The following MALRD1 variants were observed in gnomAD, a reference collection of about 807,000 sequenced individuals.
MALRD1 encodes MAM and LDL-receptor class A domain-containing protein 1.
Under a neutral mutation model 242.1 loss-of-function variants are expected in MALRD1, and 247 were observed. The ratio of observed to expected loss-of-function variants is 1.02; its 90% CI spans 0.92 to 1.13. MALRD1 has a LOEUF of 1.13. Ranked by LOEUF, MALRD1 falls within the 50% of genes most tolerant of loss-of-function variation. The pLI, the probability that MALRD1 is intolerant of heterozygous loss-of-function variation, is 0.00. For missense variants in MALRD1, 2,989 were observed against 2,533.1 expected, an observed-to-expected ratio of 1.18 and a Z score of -3.86; for synonymous variants, 995 against 866.6, an observed-to-expected ratio of 1.15 and a Z score of -2.60.
At chr10:19,508,214 G>A (rs1414875058) in intron 31 of MALRD1, among the ~76,000 whole-genome samples, 1 of 152,134 alleles carries the variant, frequency 6.6e-6, no homozygotes, top group Non-Finnish European at 1.5e-5. Context: ...GTTGTGGATG[G>A]ATGGATGGAT....
At chr10:19,614,192 GCAAA>G (rs756168224) in intron 35 of MALRD1, among the ~76,000 whole-genome samples, 3 of 151,984 alleles carry the variant, frequency 2.0e-5, no homozygotes, top group African/African-American at 4.8e-5. Context: ...TTTACAGAAA[GCAAA>G]CAGAGGCACA....
chr10:19,445,541 C>T (rs149450984), intron 28 of MALRD1, among the ~76,000 whole-genome samples: 1,791 of 152,310 alleles, frequency 0.012, 28 homozygotes, highest in Non-Finnish European at 0.013. Flanking sequence ...ACAGTCAGGA[C>T]CCTCAGCTGC....
At chr10:19,316,515 A>G (rs1026825349) in intron 21 of MALRD1, among the ~76,000 whole-genome samples, 2 of 151,874 alleles carry the variant, frequency 1.3e-5, no homozygotes, top group African/African-American at 4.8e-5. Context: ...CCCACACCAG[A>G]ACTCTGATTG....
chr10:19,503,569 T>C (rs1468775479), intron 31 of MALRD1, among the ~76,000 whole-genome samples: 3 of 152,304 alleles, frequency 2.0e-5, no homozygotes, highest in Non-Finnish European at 4.4e-5. Flanking sequence ...AAGGGTGACA[T>C]TTATGTAGCT....
intron 32 of MALRD1, among the ~76,000 whole-genome samples, chr10:19,561,225 G>T (rs1181214974): frequency 6.6e-6 from 1 of 152,092 alleles, no homozygotes; most frequent in Admixed American, 6.6e-5. Flanking sequence ...ATTTGCTACA[G>T]TTTGTTTAAT....
chr10:19,500,296 G>C (rs1438155144), intron 31 of MALRD1, among the ~76,000 whole-genome samples: 1 of 152,144 alleles, frequency 6.6e-6, no homozygotes, highest in Admixed American at 6.6e-5. Flanking sequence ...CATGAAGTTA[G>C]TGTATACTAT....
intron 5 of MALRD1, among the ~76,000 whole-genome samples, chr10:19,122,339 T>G (rs1166008459): frequency 6.6e-6 from 1 of 152,190 alleles, no homozygotes; most frequent in Non-Finnish European, 1.5e-5. Flanking sequence ...AACGTTATCA[T>G]CATTAGTAAT....
chr10:19,378,363 C>G (rs2130775856), intron 26 of MALRD1, among the ~76,000 whole-genome samples: 1 of 152,208 alleles, frequency 6.6e-6, no homozygotes, highest in Non-Finnish European at 1.5e-5. Flanking sequence ...AATATGTTGT[C>G]AAAACCCCTT....
chr10:19,065,033 A>G (rs1380081010), intron 1 of MALRD1, among the ~76,000 whole-genome samples: 1 of 152,048 alleles, frequency 6.6e-6, no homozygotes, highest in Non-Finnish European at 1.5e-5. Context: ...CATGCCTGTA[A>G]TCCCAGCACT....
intron 26 of MALRD1, among the ~76,000 whole-genome samples, chr10:19,371,101 A>G (rs1845353797): frequency 6.7e-6 from 1 of 149,892 alleles, no homozygotes; most frequent in Non-Finnish European, 1.5e-5. Flanking sequence ...TTAAAAAAAA[A>G]AAAAAAAAAG....
intron 24 of MALRD1, among the ~76,000 whole-genome samples, chr10:19,341,592 A>ACC (rs942631673): frequency 3.3e-5 from 5 of 150,260 alleles, no homozygotes; most frequent in African/African-American, 1.2e-4. Flanking sequence ...AAACACTCAC[A>ACC]CACACACAGA....
chr10:19,071,695 A>C (rs1405584305), intron 2 of MALRD1, among the ~76,000 whole-genome samples: 1 of 152,074 alleles, frequency 6.6e-6, no homozygotes, highest in Non-Finnish European at 1.5e-5. Flanking sequence ...CTGAGCCATA[A>C]TCCATTCCTA....
chr10:19,667,638 C>G (rs1455225816), intron 36 of MALRD1, among the ~76,000 whole-genome samples: 1 of 152,028 alleles, frequency 6.6e-6, no homozygotes, highest in Non-Finnish European at 1.5e-5. Context: ...TTGCTTACCC[C>G]TGCTTTCACC....
chr10:19,499,105 A>T (rs1258167834), intron 31 of MALRD1, among the ~76,000 whole-genome samples: 1 of 152,166 alleles, frequency 6.6e-6, no homozygotes, highest in Non-Finnish European at 1.5e-5. Context: ...GTAAGTGGTG[A>T]TGGAATGAGT....
intron 28 of MALRD1, among the ~76,000 whole-genome samples, chr10:19,422,826 A>G (rs1382149119): frequency 6.6e-6 from 1 of 152,184 alleles, no homozygotes; most frequent in Non-Finnish European, 1.5e-5. Flanking sequence ...GTGCTAAATA[A>G]TGATAGCATT....
chr10:19,257,193 A>G (rs557873522), intron 18 of MALRD1, among the ~76,000 whole-genome samples: 2 of 152,216 alleles, frequency 1.3e-5, no homozygotes, highest in Admixed American at 6.6e-5. Flanking sequence ...AGTGTTACAG[A>G]ATCAGTGTCA....
intron 8 of MALRD1, among the ~76,000 whole-genome samples, chr10:19,128,683 G>A (rs1385868118): frequency 1.3e-5 from 2 of 152,128 alleles, no homozygotes; most frequent in African/African-American, 2.4e-5. Context: ...TGTATTATGA[G>A]CTCTGTATTG....
At chr10:19,674,480 C>G (rs950556700) in intron 36 of MALRD1, among the ~76,000 whole-genome samples, 6 of 152,178 alleles carry the variant, frequency 3.9e-5, no homozygotes, top group African/African-American at 1.4e-4. Context: ...CCTGGCCCCT[C>G]ACAGATTCTG....
intron 2 of MALRD1, among the ~76,000 whole-genome samples, chr10:19,069,481 A>G (rs1835076241): frequency 6.6e-6 from 1 of 152,036 alleles, no homozygotes; most frequent in African/African-American, 2.4e-5. Context: ...TATTATTTGC[A>G]GCACTCTTTA....
Sources: allele counts gnomAD v4.1 joint callset (sites outside exome capture counted in the v4.1 genomes callset), GRCh38; gene constraint gnomAD v4.1.1; transcripts MANE v1.5; gene names NCBI Gene and HGNC (gene_info 2026-07-23, HGNC 2026-07-21).